Variants in DDX47 observed in about 807,000 individuals in gnomAD.
DDX47 encodes probable ATP-dependent RNA helicase DDX47.
DDX47 carries 60 observed loss-of-function variants against 58.8 expected under a neutral mutation model. The ratio of observed to expected loss-of-function variants is 1.02; its 90% CI spans 0.83 to 1.26. The LOEUF is 1.26. Among genes scored for constraint, DDX47 ranks in the 50% most tolerant of loss-of-function variants. The probability of loss-of-function intolerance (pLI) is 0.00; values close to 1 mark genes in which losing one functional copy is unlikely to be tolerated. For synonymous variants in DDX47, 197 were observed against 204.6 expected (o/e 0.96, Z 0.32); for missense variants, 530 against 573.2 (o/e 0.92, Z 0.77).
chr12:12,820,045 T>A (rs1340329709), intron 2 of DDX47, among the ~76,000 whole-genome samples: 1 of 151,580 alleles, frequency 6.6e-6, no homozygotes, highest in Non-Finnish European at 1.5e-5. Flanking sequence ...AGTTACACAG[T>A]CAGAACAGGG....
At position 12,821,678 on chromosome 12, in the gene DDX47, T is replaced by A. The variant is rs375771363; in HGVS notation, c.394T>A (p.Ser132Thr). The change falls in exon 4 of 12, where the codon TCA becomes ACA. Residue 132 changes from serine to threonine, a missense_variant. By Grantham distance (58) the Ser-to-Thr change is moderately conservative. Transcript: ENST00000358007. The part of the protein sequence containing the change: ...QSAVIVGGID[S>T]MSQSLALAKK... ...AGCTGTGATTGTAGGTGGAATTGAT[T>A]CAATGTCTCAATCTTTGGCCCTTGC... 9 of 1,614,026 alleles carry A rather than the reference T, an allele frequency of 5.6e-6. No individual in the cohort carries two copies. Among genetic ancestry groups the A allele is most frequent in the Non-Finnish European group, 7.6e-6 (9 of 1,179,908 alleles).
chr12:12,814,514 G>T (rs1425954806), intron 2 of DDX47: 1 of 321,544 alleles, frequency 3.1e-6, no homozygotes, highest in South Asian at 3.1e-5. Flanking sequence ...ATCAGTGGGC[G>T]CACACTTAGG....
chr12:12,813,349 T>TC lies in DDX47; in HGVS notation c.-17dup, dbSNP rs989286448. The TC allele has an allele frequency of 6.2e-7, 1 of 1,610,296 alleles. No homozygotes were observed. The highest frequency in any genetic ancestry group is 1.3e-5 in the African/African-American group (1 of 74,774). On this transcript the variant is annotated 5_prime_UTR_variant, in exon 1 of 12. Transcript: ENST00000358007. ...GCATCCCGCGCGCCGCAGACCCACT[T>TC]CCGGAGACCTCACACAAGATGGCGG...
At chr12:12,826,247 T>C (rs1211380049) in intron 10 of DDX47, 177 bp downstream of exon 10, 1 of 480,196 alleles carries the variant, frequency 2.1e-6, no homozygotes. Context: ...TTGGTGAAAA[T>C]TGGAGATTAT....
intron 10 of DDX47, 90 bp downstream of exon 10, chr12:12,826,160 A>G: frequency 2.0e-6 from 2 of 1,010,944 alleles, no homozygotes. Context: ...ACCATTTACT[A>G]CACTAATCAC....
At chr12:12,829,330 T>C in intron 11 of DDX47, 93 bp from the exon 12 acceptor site, 1 of 1,401,674 alleles carries the variant, frequency 7.1e-7, no homozygotes, top group Non-Finnish European at 9.5e-7. Context: ...AGCAAGTTAC[T>C]TGATACTTGA....
At chr12:12,818,958 A>T (rs933302837) in intron 2 of DDX47, among the ~76,000 whole-genome samples, 1 of 152,228 alleles carries the variant, frequency 6.6e-6, no homozygotes, top group African/African-American at 2.4e-5. Flanking sequence ...TTATGGGAGT[A>T]CGACTCAAGA....
intron 2 of DDX47, among the ~76,000 whole-genome samples, chr12:12,819,696 C>T (rs948319452): frequency 4.6e-5 from 7 of 152,178 alleles, no homozygotes; most frequent in African/African-American, 1.7e-4. Flanking sequence ...TCCAAGTTCC[C>T]TGTGTGGAAA....
At chr12:12,813,656 A>G (rs1592319967) in intron 1 of DDX47, 4 of 601,648 alleles carry the variant, frequency 6.6e-6, no homozygotes, top group South Asian at 2.0e-5. Context: ...GAGACCCCCT[A>G]TTTGCCCTAT....
chr12:12,823,704 G>A, intron 7 of DDX47, 166 bp from the exon 8 acceptor site: 1 of 668,080 alleles, frequency 1.5e-6, no homozygotes. Context: ...GGGAATATGT[G>A]GTTCACAGAG....
In DDX47 at chr12:12,821,945, T is replaced by G. The variant is rs781320169; in HGVS notation, c.443-20T>G. 40 of 1,509,358 alleles carry G rather than the reference T, an allele frequency of 2.7e-5. No individual in the cohort carries two copies. The highest frequency in any genetic ancestry group is 8.4e-5 in the Admixed American group (5 of 59,336). 93.5% of individuals were successfully genotyped at this position (1,509,358 alleles called of 1,614,324 possible). A position where few individuals can be genotyped will look rare whatever the true frequency, so the allele number is the denominator to read the frequency against. On this transcript the variant is annotated intron_variant, in intron 4 of 11. Transcript: ENST00000358007. Reference sequence around the variant, plus strand: ...TCCTGTTCTGAAATGTCACTGTTTCTCCTCAACCTTTCTTGGTAGCAACTC... The same window carrying G: ...TCCTGTTCTGAAATGTCACTGTTTCGCCTCAACCTTTCTTGGTAGCAACTC...
chr12:12,819,712 G>C (rs1031998797), intron 2 of DDX47, among the ~76,000 whole-genome samples: 1 of 152,200 alleles, frequency 6.6e-6, no homozygotes, highest in Non-Finnish European at 1.5e-5. Context: ...GGAAACCAAA[G>C]TCCTTATTTT....
At chr12:12,818,935 CA>C (rs1208722653) in intron 2 of DDX47, among the ~76,000 whole-genome samples, 3 of 152,200 alleles carry the variant, frequency 2.0e-5, no homozygotes, top group African/African-American at 4.8e-5. Flanking sequence ...GTCCTTCCCA[CA>C]ACATGTGGAA....
In DDX47 at chr12:12,813,375, C is replaced by T; in HGVS notation, c.8C>T (p.Ala3Val). ...CCGGAGACCTCACACAAGATGGCGG[C>T]ACCCGAGGAACACGATTCTCCGACC... Reference protein sequence around the residue: MAAPEEHDSPTEA... With the variant: MAVPEEHDSPTEA... Residue 3 changes from alanine (A) to valine (V), a missense_variant, in exon 1 of 12, where the codon GCA becomes GTA. Physicochemically the swap from Ala to Val is moderately conservative, Grantham distance 64. Coordinates refer to ENST00000358007, the MANE Select transcript of DDX47 (RefSeq NM_016355.4). The T allele has an allele frequency of 1.9e-6, 3 of 1,613,328 alleles. No individual in the cohort carries two copies. The highest frequency in any genetic ancestry group is 2.5e-6 in the Non-Finnish European group (3 of 1,179,614).
At chr12:12,817,036 C>G (rs964991133) in intron 2 of DDX47, among the ~76,000 whole-genome samples, 4 of 152,108 alleles carry the variant, frequency 2.6e-5, no homozygotes, top group Non-Finnish European at 4.4e-5. Flanking sequence ...TATCCTTATT[C>G]TTGGGTTTGT....
chr12:12,827,458 A>G, intron 11 of DDX47, 83 bp downstream of exon 11: 2 of 1,449,760 alleles, frequency 1.4e-6, no homozygotes, highest in South Asian at 2.6e-5. Flanking sequence ...CTCATACTAA[A>G]CTGCAGAAGC....
intron 11 of DDX47, 145 bp from the exon 12 acceptor site, chr12:12,829,278 T>C (rs969036714): frequency 8.0e-5 from 60 of 745,906 alleles, no homozygotes; most frequent in Non-Finnish European, 1.1e-4. Flanking sequence ...CATCTTTGTA[T>C]ATTTGGAGTT....
At chr12:12,818,205 C>T (rs1331649509) in intron 2 of DDX47, among the ~76,000 whole-genome samples, 1 of 152,142 alleles carries the variant, frequency 6.6e-6, no homozygotes, top group African/African-American at 2.4e-5. Flanking sequence ...CCTGGATTGT[C>T]ATTTGTCTGT....
intron 2 of DDX47, among the ~76,000 whole-genome samples, chr12:12,815,172 T>TA (rs1438581961): frequency 6.6e-6 from 1 of 152,216 alleles, no homozygotes; most frequent in Non-Finnish European, 1.5e-5. Context: ...TAATTATTGT[T>TA]AGTATTAATG....
Sources: allele counts gnomAD v4.1 joint callset (sites outside exome capture counted in the v4.1 genomes callset), GRCh38; gene constraint gnomAD v4.1.1; transcripts MANE v1.5; gene names NCBI Gene and HGNC (gene_info 2026-07-23, HGNC 2026-07-21).